Variants in EPHA5 observed in about 807,000 individuals in gnomAD.
EPHA5 encodes the protein ephrin type-A receptor 5.
A neutral mutation model predicts 105.0 loss-of-function variants in EPHA5; 60 were observed. The observed-to-expected ratio is 0.57, with a 90% confidence interval of 0.46 to 0.71. The LOEUF is 0.71. Among genes scored for constraint, EPHA5 ranks in the 30% least tolerant of loss-of-function variants. The pLI is 0.00. For missense variants in EPHA5, 1,218 were observed against 1,274.7 expected (o/e 0.96, Z 0.68); for synonymous variants, 513 against 449.1 (o/e 1.14, Z -1.80).
At chr4:65,435,088 A>AAATGACATT (rs1445106625) in intron 5 of EPHA5, among the ~76,000 whole-genome samples, 1 of 152,142 alleles carries the variant, frequency 6.6e-6, no homozygotes, top group African/African-American at 2.4e-5. Context: ...TTACATATAA[A>AAATGACATT]AATGACATTA....
intron 5 of EPHA5, among the ~76,000 whole-genome samples, chr4:65,441,214 T>C (rs184284825): frequency 1.2e-4 from 18 of 152,084 alleles, no homozygotes; most frequent in African/African-American, 4.1e-4. Context: ...AAGTTGGTGA[T>C]ATAAAGTAAT....
intron 13 of EPHA5, among the ~76,000 whole-genome samples, chr4:65,351,048 T>TAA (rs1553897354): frequency 5.5e-5 from 8 of 144,620 alleles, no homozygotes; most frequent in East Asian, 2.1e-4. Flanking sequence ...TATATATATA[T>TAA]AACCTTTAAT....
At chr4:65,641,983 A>G (rs1020680441) in intron 2 of EPHA5, among the ~76,000 whole-genome samples, 2 of 152,158 alleles carry the variant, frequency 1.3e-5, no homozygotes, top group Admixed American at 6.5e-5. Context: ...TCAAATGTAT[A>G]GTTGCAACAG....
At chr4:65,439,406 T>C (rs1240063792) in intron 5 of EPHA5, among the ~76,000 whole-genome samples, 1 of 152,018 alleles carries the variant, frequency 6.6e-6, no homozygotes, top group African/African-American at 2.4e-5. Flanking sequence ...TAAAATTTTG[T>C]TCCGCTGTTC....
chr4:65,581,179 G>A (rs1741582993), intron 3 of EPHA5, among the ~76,000 whole-genome samples: 1 of 151,664 alleles, frequency 6.6e-6, no homozygotes, highest in Non-Finnish European at 1.5e-5. Flanking sequence ...CCTTTGTCTT[G>A]TCACTTCTCT....
In EPHA5 at chr4:65,322,512, A is replaced by T. The variant is rs1488949783; in HGVS notation, c.*1602T>A. On this transcript the variant is annotated 3_prime_UTR_variant, in exon 17 of 17. Coordinates refer to ENST00000613740, the MANE Select transcript of EPHA5 (RefSeq NM_001281766.3). The stretch of plus-strand genomic sequence containing the variant: ...TTGACTAATCACATGACATTCCATA[A>T]TTTTTATAAAGTGTAATAATACAAA... 4.4e-6 allele frequency: 1 copy of T among 225,194 alleles called. No individual in the cohort carries two copies. Among genetic ancestry groups the T allele is most frequent in the African/African-American group, 2.2e-5 (1 of 44,868 alleles). 13.9% of individuals were successfully genotyped at this position (225,194 alleles called of 1,614,324 possible). A position where few individuals can be genotyped will look rare whatever the true frequency, so the allele number is the denominator to read the frequency against.
In EPHA5 at chr4:65,476,127, A is replaced by AGAGT. The variant is rs1425495059; in HGVS notation, c.1402+14249_1402+14250insACTC. 7.5e-3 allele frequency among the ~76,000 whole-genome samples: 890 copies of AGAGT among 119,170 alleles called. 2 individuals carry two copies. Among genetic ancestry groups the AGAGT allele is most frequent in the African/African-American group, 1.0e-2 (324 of 32,414 alleles). 78.2% of individuals were successfully genotyped at this position (119,170 alleles called of 152,430 possible). A position where few individuals can be genotyped will look rare whatever the true frequency, so the allele number is the denominator to read the frequency against. On this transcript the variant is annotated intron_variant, in intron 5 of 16. Transcript: ENST00000613740. ...GAGAGAGAGAGAGAGAGAGAGAGAG[A>AGAGT]GTGTGTGTGTGTGTGTGTGTGTGTG...
At chr4:65,469,135 G>A (rs866088601) in intron 5 of EPHA5, among the ~76,000 whole-genome samples, 1 of 152,104 alleles carries the variant, frequency 6.6e-6, no homozygotes. Flanking sequence ...CAGCCATTTT[G>A]CTATTATGGT....
intron 6 of EPHA5, among the ~76,000 whole-genome samples, chr4:65,419,158 A>G (rs1241877737): frequency 6.6e-6 from 1 of 151,988 alleles, no homozygotes; most frequent in Non-Finnish European, 1.5e-5. Flanking sequence ...TTCTGGAATT[A>G]CAGGCATGAG....
intron 3 of EPHA5, among the ~76,000 whole-genome samples, chr4:65,591,615 A>ATTTT (rs1560743625): frequency 9.9e-4 from 144 of 145,792 alleles, no homozygotes; most frequent in African/African-American, 3.4e-3. Context: ...TTTTTTTTAA[A>ATTTT]AAAAAAGCTT....
chr4:65,577,634 A>G (rs1016114266), intron 3 of EPHA5, among the ~76,000 whole-genome samples: 3 of 152,156 alleles, frequency 2.0e-5, no homozygotes, highest in Non-Finnish European at 2.9e-5. Context: ...TTTTGTATAT[A>G]TACCATTATT....
At chr4:65,609,321 G>C (rs1744543955) in intron 2 of EPHA5, among the ~76,000 whole-genome samples, 2 of 152,112 alleles carry the variant, frequency 1.3e-5, no homozygotes, top group Admixed American at 6.6e-5. Flanking sequence ...CATCAAGTAG[G>C]AGTTTGAGTT....
At chr4:65,390,837 A>G (rs1720643724) in intron 8 of EPHA5, among the ~76,000 whole-genome samples, 1 of 152,074 alleles carries the variant, frequency 6.6e-6, no homozygotes, top group Admixed American at 6.6e-5. Context: ...AGAGGAGAAA[A>G]AAAGTAATGA....
At chr4:65,414,964 T>A (rs1723253261) in intron 6 of EPHA5, among the ~76,000 whole-genome samples, 1 of 152,208 alleles carries the variant, frequency 6.6e-6, no homozygotes, top group African/African-American at 2.4e-5. Flanking sequence ...TTAATTTCAA[T>A]TCACTAAGTC....
At chr4:65,367,477 C>T in intron 8 of EPHA5, 53 bp from the exon 9 acceptor site, 2 of 1,525,716 alleles carry the variant, frequency 1.3e-6, no homozygotes, top group Non-Finnish European at 1.8e-6. Flanking sequence ...GAATCAGTCA[C>T]ATCAAGCCCA....
chr4:65,555,200 C>G lies in EPHA5; in HGVS notation c.910+46441G>C, dbSNP rs150524876. 8.8e-4 allele frequency among the ~76,000 whole-genome samples: 134 copies of G among 151,736 alleles called. 1 individual carries two copies. The highest frequency in any genetic ancestry group is 3.0e-3 in the African/African-American group (124 of 41,404). ...TTACTCCCATGTGTGTCCTTAGTAG[C>G]AATGGATATGTGTGTTCAGGTTTAG... On this transcript the variant is annotated intron_variant, in intron 3 of 16. Coordinates refer to ENST00000613740, the MANE Select transcript of EPHA5 (RefSeq NM_001281766.3).
At chr4:65,522,132 A>G (rs1192276976) in intron 3 of EPHA5, among the ~76,000 whole-genome samples, 1 of 151,844 alleles carries the variant, frequency 6.6e-6, no homozygotes, top group South Asian at 2.1e-4. Flanking sequence ...TGGAAAGTCT[A>G]AGGTCTGTCC....
intron 3 of EPHA5, among the ~76,000 whole-genome samples, chr4:65,557,077 T>C (rs1359031962): frequency 6.6e-6 from 1 of 151,634 alleles, no homozygotes; most frequent in Non-Finnish European, 1.5e-5. Context: ...TAGAAATAGA[T>C]TTTAAATAGG....
At chr4:65,441,515 G>A (rs1013101814) in intron 5 of EPHA5, among the ~76,000 whole-genome samples, 6 of 151,812 alleles carry the variant, frequency 4.0e-5, no homozygotes, top group African/African-American at 1.5e-4. Context: ...CTTATGATAG[G>A]AAAATTTTTA....
Sources: allele counts gnomAD v4.1 joint callset (sites outside exome capture counted in the v4.1 genomes callset), GRCh38; gene constraint gnomAD v4.1.1; transcripts MANE v1.5; gene names NCBI Gene and HGNC (gene_info 2026-07-23, HGNC 2026-07-21).